CPNE2: variants seen among roughly 807,000 people sequenced by gnomAD.
CPNE2 encodes the protein copine-2.
In CPNE2, 42 loss-of-function variants were observed where a neutral mutation model predicts 69.7. The observed-to-expected ratio is 0.60, with a 90% CI of 0.47 to 0.78. The LOEUF (loss-of-function observed/expected upper bound fraction) is 0.78. Ranked by LOEUF, CPNE2 falls within the 30% of genes least tolerant of loss-of-function variation. The pLI is 0.00. For synonymous variants in CPNE2, 294 were observed against 289.8 expected, an observed-to-expected ratio of 1.01 and a Z score of -0.15; for missense variants, 587 against 732.0, an observed-to-expected ratio of 0.80 and a Z score of 2.29.
chr16:57,115,437 C>G (rs577218567), intron 3 of CPNE2, 39 bp from the exon 4 acceptor site: 19 of 1,525,932 alleles, frequency 1.2e-5, no homozygotes, highest in Non-Finnish European at 1.5e-5. Flanking sequence ...GGGCTTCCCC[C>G]GCTTCCTCAC....
intron 1 of CPNE2, among the ~76,000 whole-genome samples, chr16:57,102,695 A>T (rs1309740748): frequency 6.6e-6 from 1 of 150,532 alleles, no homozygotes; most frequent in Non-Finnish European, 1.5e-5. Context: ...TCCACTTCCC[A>T]GGTTCAAGCA....
intron 12 of CPNE2, among the ~76,000 whole-genome samples, chr16:57,129,796 G>A (rs1425863992): frequency 1.3e-5 from 2 of 152,134 alleles, no homozygotes; most frequent in Non-Finnish European, 2.9e-5. Flanking sequence ...TCCAGCCTGG[G>A]CAACAGAGTG....
intron 2 of CPNE2, among the ~76,000 whole-genome samples, chr16:57,112,400 C>G (rs1355299247): frequency 6.6e-6 from 1 of 152,046 alleles, no homozygotes; most frequent in Non-Finnish European, 1.5e-5. Context: ...ATCCCCCTGA[C>G]TCATAGCACA....
intron 5 of CPNE2, 39 bp from the exon 6 acceptor site, chr16:57,119,156 G>A (rs1237296374): frequency 1.9e-6 from 3 of 1,578,624 alleles, no homozygotes; most frequent in Non-Finnish European, 2.6e-6. Flanking sequence ...ACCTAGCAGG[G>A]CTGTACCTCT....
chr16:57,137,185 T>C lies in CPNE2; in HGVS notation c.1205T>C (p.Leu402Pro), dbSNP rs1225479003. ...DGIAQAYSACLPHIRFYGPTN... is the reference protein window; with the variant it reads ...DGIAQAYSACPPHIRFYGPTN... ...ATTGCCCAGGCGTACTCAGCTTGCCTGCCCCACATCCGCTTCTACGGTCCT... is the reference window on the plus strand; with the variant it reads ...ATTGCCCAGGCGTACTCAGCTTGCCCGCCCCACATCCGCTTCTACGGTCCT... Residue 402 changes from leucine (L) to proline (P), a missense_variant, in exon 14 of 16, where the codon CTG (leucine) becomes CCG (proline). Around this residue, in one of 5 missense-constraint regions of CPNE2, gnomAD observed 185 missense variants for 252.3 expected, o/e 0.73. Transcript: ENST00000290776. The C allele has an allele frequency of 6.2e-7, 1 of 1,614,134 alleles. No individual in the cohort carries two copies. Among genetic ancestry groups the C allele is most frequent in the Non-Finnish European group, 8.5e-7 (1 of 1,180,048 alleles).
intron 14 of CPNE2, 46 bp downstream of exon 14, chr16:57,137,328 C>G: frequency 6.2e-7 from 1 of 1,607,856 alleles, no homozygotes; most frequent in Non-Finnish European, 8.5e-7. Flanking sequence ...ACACGCACGT[C>G]CTCTGGGCTG....
At chr16:57,101,540 C>T (rs1175658285) in intron 1 of CPNE2, among the ~76,000 whole-genome samples, 1 of 152,190 alleles carries the variant, frequency 6.6e-6, no homozygotes, top group Admixed American at 6.6e-5. Flanking sequence ...GCTGGAAGCT[C>T]GGTGTGTGAA....
chr16:57,125,853 T>A lies in CPNE2; in HGVS notation c.928-7T>A. 1 of 1,614,090 alleles carries A rather than the reference T, an allele frequency of 6.2e-7. No individual in the cohort carries two copies. Among genetic ancestry groups the A allele is most frequent in the Non-Finnish European group, 8.5e-7 (1 of 1,179,976 alleles). ...CCCACTGGGTGGCCTTTTTCTCCACTCTGCAGGTTGGAATAGACTTTACAG... is the reference window on the plus strand; with the variant it reads ...CCCACTGGGTGGCCTTTTTCTCCACACTGCAGGTTGGAATAGACTTTACAG... On this transcript the variant is annotated splice_region_variant and splice_polypyrimidine_tract_variant and intron_variant, in intron 10 of 15. Coordinates refer to ENST00000290776, the MANE Select transcript of CPNE2 (RefSeq NM_152727.6).
At chr16:57,123,524 C>A in intron 10 of CPNE2, 51 bp downstream of exon 10, 1 of 1,587,972 alleles carries the variant, frequency 6.3e-7, no homozygotes, top group Non-Finnish European at 8.6e-7. Context: ...AGTGAGGGTC[C>A]TCCCTGAAGA....
Position 57,110,844 on chromosome 16 carries a change from C to T in CPNE2, c.102C>T (p.Asn34=). The part of the protein sequence containing the change: ...CKVELSVSGQ[N]LLDRDVTSKS... ...TGGAGCTGTCAGTGAGTGGCCAGAA[C>T]CTACTGGACCGGGATGTTACCTCCA... Residue 34 remains asparagine (N), a synonymous_variant, in exon 2 of 16, where the codon AAC becomes AAT. Coordinates refer to ENST00000290776, the MANE Select transcript of CPNE2 (RefSeq NM_152727.6). 1 of 1,613,956 alleles carries T rather than the reference C, an allele frequency of 6.2e-7. No individual in the cohort carries two copies. The highest frequency in any genetic ancestry group is 8.5e-7 in the Non-Finnish European group (1 of 1,179,912).
At chr16:57,125,605 G>C (rs2069794905) in intron 10 of CPNE2, 1 of 529,022 alleles carries the variant, frequency 1.9e-6, no homozygotes, top group Admixed American at 3.1e-5. Context: ...AGGAATCTGG[G>C]ACTGTACGTT....
chr16:57,131,905 G>A (rs1166644691), intron 12 of CPNE2, among the ~76,000 whole-genome samples: 5 of 152,330 alleles, frequency 3.3e-5, no homozygotes, highest in Admixed American at 2.6e-4. Context: ...TGCCCTCTGG[G>A]AGCCATGCTC....
intron 7 of CPNE2, among the ~76,000 whole-genome samples, chr16:57,119,893 G>A (rs567154911): frequency 1.3e-3 from 192 of 152,334 alleles, no homozygotes; most frequent in Non-Finnish European, 2.0e-3. Context: ...TCCCCAGAGG[G>A]CTGCAGAGCT....
chr16:57,121,087 C>T lies in CPNE2; in HGVS notation c.682-6C>T, dbSNP rs1445887090. ...CTCTGGGGTGACCGTGCTGAACCCACCCCAGGTCATGTGCTACGACTATGA... is the reference window on the plus strand; with the variant it reads ...CTCTGGGGTGACCGTGCTGAACCCATCCCAGGTCATGTGCTACGACTATGA... On this transcript the variant is annotated splice_region_variant and splice_polypyrimidine_tract_variant and intron_variant, in intron 7 of 15. Coordinates refer to ENST00000290776, the MANE Select transcript of CPNE2 (RefSeq NM_152727.6). 2 of 1,611,496 alleles carry T rather than the reference C, an allele frequency of 1.2e-6. No individual in the cohort carries two copies. The highest frequency in any genetic ancestry group is 3.3e-5 in the Admixed American group (2 of 59,862).
intron 1 of CPNE2, chr16:57,094,200 C>G: frequency 2.4e-6 from 1 of 409,176 alleles, no homozygotes; most frequent in Non-Finnish European, 4.9e-6. Context: ...GTTCGTTTTG[C>G]GGCCGTCACT....
At position 57,117,647 on chromosome 16, in the gene CPNE2, C is replaced by T. The variant is rs186955588; in HGVS notation, c.507+80C>T. The T allele has an allele frequency of 4.9e-4, 719 of 1,473,816 alleles. 4 individuals are homozygous for T. The African/African-American group carries it at 9.1e-3, about 19-fold the overall frequency. 91.3% of individuals were successfully genotyped at this position (1,473,816 alleles called of 1,614,324 possible). A position where few individuals can be genotyped will look rare whatever the true frequency, so the allele number is the denominator to read the frequency against. On this transcript the variant is annotated intron_variant, in intron 5 of 15. Transcript: ENST00000290776. ...AGGGCTGTGTGGCCTCATTCCGGGACCTCGGGCCACCACCTCCATCACATT... is the reference window on the plus strand; with the variant it reads ...AGGGCTGTGTGGCCTCATTCCGGGATCTCGGGCCACCACCTCCATCACATT...
At position 57,120,577 on chromosome 16, in the gene CPNE2, G is replaced by A. The variant is rs148946097; in HGVS notation, c.682-516G>A. On this transcript the variant is annotated intron_variant, in intron 7 of 15. Transcript: ENST00000290776. The stretch of plus-strand genomic sequence containing the variant: ...CAGAGATTCCCAAGTAGGATACCAG[G>A]AATCTTAGGTTCTAGTACTGGGTCT... Among the ~76,000 whole-genome samples the A allele has an allele frequency of 3.0e-3, 452 of 152,344 alleles. 3 individuals are homozygous for A. The highest frequency in any genetic ancestry group is 0.01 in the Middle Eastern group (3 of 294).
chr16:57,134,628 TG>T (rs2069863655), intron 12 of CPNE2, 146 bp from the exon 13 acceptor site: 6 of 766,120 alleles, frequency 7.8e-6, no homozygotes, highest in Non-Finnish European at 1.3e-5. Flanking sequence ...AAAGCAGATG[TG>T]GGGGGTATCA....
rs1376321776 is a variant in CPNE2, at chr16:57,146,101, T to C, written c.1319T>C (p.Leu440Pro). The C allele has an allele frequency of 6.2e-7, 1 of 1,604,264 alleles. No individual in the cohort carries two copies. Among genetic ancestry groups the C allele is most frequent in the African/African-American group, 1.3e-5 (1 of 74,892 alleles). ...TCCCTGCAGCAGTACTTCATCCTCC[T>C]CATCATCACGGACGGGGTCATCAGT... ...QRTATQYFILLIITDGVISDM... is the reference protein window; with the variant it reads ...QRTATQYFILPIITDGVISDM... The change falls in exon 15 of 16, where the codon CTC (leucine) becomes CCC (proline). Residue 440 changes from leucine (L) to proline (P), a missense_variant. Around this residue, in one of 5 missense-constraint regions of CPNE2, gnomAD observed 185 missense variants for 252.3 expected, o/e 0.73. Transcript: ENST00000290776. The surrounding 1 kb of genome is among the most constrained non-coding windows in gnomAD (Gnocchi z 4.4).
Sources: gnomAD v4.1 joint callset for allele counts (sites outside exome capture counted in the v4.1 genomes callset) on GRCh38, gnomAD v4.1.1 for gene constraint, gnomAD v4.1.1 regional missense constraint, Gnocchi (gnomAD v3.1) non-coding constraint, MANE v1.5 for transcripts, NCBI Gene and HGNC (gene_info 2026-07-23, HGNC 2026-07-21) for gene names.